PTPRK: variants seen among roughly 807,000 people sequenced by gnomAD.
The protein encoded by PTPRK is protein tyrosine phosphatase receptor type K, also known as receptor-type tyrosine-protein phosphatase kappa.
In PTPRK, 75 loss-of-function variants were observed where a neutral mutation model predicts 178.0. The ratio of observed to expected loss-of-function variants is 0.42; its 90% confidence interval spans 0.35 to 0.51. The LOEUF is 0.51. Ranked by LOEUF, PTPRK falls within the 20% of genes least tolerant of loss-of-function variation. The pLI, the probability that PTPRK is intolerant of heterozygous loss-of-function variation, is 0.02. For missense variants in PTPRK, 1,441 were observed against 1,797.8 expected (o/e 0.80, Z 3.59); for synonymous variants, 637 against 620.6 (o/e 1.03, Z -0.39).
chr6:128,207,399 T>A (rs983684712), intron 6 of PTPRK, among the ~76,000 whole-genome samples: 1 of 152,210 alleles, frequency 6.6e-6, no homozygotes, highest in Non-Finnish European at 1.5e-5. Context: ...TATCCATGAT[T>A]GCTGATGGTT....
intron 13 of PTPRK, among the ~76,000 whole-genome samples, chr6:128,064,416 T>C (rs911452718): frequency 6.6e-6 from 1 of 152,196 alleles, no homozygotes; most frequent in Admixed American, 6.5e-5. Flanking sequence ...TGGAAAGTAA[T>C]AGAGGTTTTT....
At chr6:127,971,099 T>C (rs1407419530) in intron 29 of PTPRK, among the ~76,000 whole-genome samples, 1 of 152,210 alleles carries the variant, frequency 6.6e-6, no homozygotes, top group Non-Finnish European at 1.5e-5. Context: ...AGCCTACTTA[T>C]ACCTGAAAAT....
In PTPRK at chr6:128,519,065, A is replaced by C. The variant is rs762291257; in HGVS notation, c.100+1194T>G. ...GGCTGTCGCTTTTCCCGTCTTCTCCATCACCCTCTGGCCACCACTGCGTCT... is the reference window on the plus strand; with the variant it reads ...GGCTGTCGCTTTTCCCGTCTTCTCCCTCACCCTCTGGCCACCACTGCGTCT... On this transcript the variant is annotated intron_variant, in intron 1 of 29. Coordinates refer to ENST00000368226, the MANE Select transcript of PTPRK (RefSeq NM_002844.4). This position sits in a 1 kb window ranked among gnomAD's most constrained non-coding sequence, Gnocchi z 4.3. 1.9e-6 allele frequency: 1 copy of C among 532,416 alleles called. No homozygotes were observed. The highest frequency in any genetic ancestry group is 3.9e-6 in the Non-Finnish European group (1 of 259,662). 33.0% of individuals were successfully genotyped at this position (532,416 alleles called of 1,614,324 possible).
At chr6:128,113,790 A>C (rs113495762) in intron 7 of PTPRK, among the ~76,000 whole-genome samples, 1,560 of 152,208 alleles carry the variant, frequency 0.01, 24 homozygotes, top group African/African-American at 0.035. Flanking sequence ...TACTTAAAAA[A>C]CACCTCACAA....
At chr6:128,325,637 T>C (rs1210317185) in intron 2 of PTPRK, among the ~76,000 whole-genome samples, 1 of 152,086 alleles carries the variant, frequency 6.6e-6, no homozygotes, top group Non-Finnish European at 1.5e-5. Context: ...CTCACGCCAG[T>C]TAGAATGGTG....
chr6:127,998,775 T>C lies in PTPRK; in HGVS notation c.2624A>G (p.Gln875Arg). 1.2e-6 allele frequency: 2 copies of C among 1,610,022 alleles called. No homozygotes were observed. Among genetic ancestry groups the C allele is most frequent in the South Asian group, 1.1e-5 (1 of 90,560 alleles). The part of the protein sequence containing the change: ...HPAIRVADLL[Q>R]HINLMKTSDS... ...TGATGTCTTCATGAGATTAATGTGC[T>C]GCAGTAAATCAGCTACCCTGATGGC... is the stretch of plus-strand genomic sequence containing the variant. Residue 875 changes from glutamine (Q) to arginine (R), a missense_variant, in exon 16 of 30, where the codon CAG becomes CGG. Physicochemically the swap from Gln to Arg is conservative, Grantham distance 43 (BLOSUM62 1). Coordinates refer to ENST00000368226, the MANE Select transcript of PTPRK (RefSeq NM_002844.4).
chr6:128,056,881 A>C lies in PTPRK; in HGVS notation c.2194+7877T>G, dbSNP rs181421658. ...TTGTTCAGCAAATAATTAATGAATC[A>C]AGGTATTATATAAGCTGGTATACAA... On this transcript the variant is annotated intron_variant, in intron 13 of 29. Transcript: ENST00000368226. Among the ~76,000 whole-genome samples the C allele has an allele frequency of 2.6e-5, 4 of 152,344 alleles. No individual in the cohort carries two copies. The East Asian group carries it at 7.7e-4, about 29-fold the overall frequency.
intron 3 of PTPRK, among the ~76,000 whole-genome samples, chr6:128,257,901 A>T (rs1300371057): frequency 6.6e-6 from 1 of 152,156 alleles, no homozygotes; most frequent in Non-Finnish European, 1.5e-5. Flanking sequence ...CCAACATGAT[A>T]TACTCAACTA....
At chr6:128,467,263 C>A (rs928923713) in intron 1 of PTPRK, among the ~76,000 whole-genome samples, 2 of 152,164 alleles carry the variant, frequency 1.3e-5, no homozygotes, top group Non-Finnish European at 2.9e-5. Flanking sequence ...AAATTATAAG[C>A]AGGAGCCATT....
intron 24 of PTPRK, among the ~76,000 whole-genome samples, chr6:127,981,786 A>T (rs1160742812): frequency 6.6e-6 from 1 of 152,142 alleles, no homozygotes; most frequent in East Asian, 1.9e-4. Flanking sequence ...ATTTAGGGCT[A>T]TTTTGAAATA....
chr6:128,423,985 C>T (rs1843790460), intron 1 of PTPRK, among the ~76,000 whole-genome samples: 1 of 150,050 alleles, frequency 6.7e-6, no homozygotes, highest in Admixed American at 6.7e-5. Context: ...CTTTGGGAGA[C>T]AAAGGCAGGA....
intron 2 of PTPRK, among the ~76,000 whole-genome samples, chr6:128,345,433 C>T (rs1018463035): frequency 3.3e-5 from 5 of 152,228 alleles, no homozygotes; most frequent in African/African-American, 4.8e-5. Flanking sequence ...AGTATGTTCA[C>T]GATCTCCTCA....
intron 7 of PTPRK, among the ~76,000 whole-genome samples, chr6:128,157,950 A>G (rs909529108): frequency 2.6e-5 from 4 of 151,866 alleles, no homozygotes; most frequent in African/African-American, 9.7e-5. Context: ...ATTAGATCCC[A>G]TTTGTCAATT....
At chr6:128,491,850 C>T (rs768607033) in intron 1 of PTPRK, 4 of 511,744 alleles carry the variant, frequency 7.8e-6, no homozygotes, top group Non-Finnish European at 1.6e-5. Flanking sequence ...AGCACAGACA[C>T]TGAAAACGAA....
chr6:128,297,604 A>G (rs1443415912), intron 3 of PTPRK, among the ~76,000 whole-genome samples: 1 of 152,262 alleles, frequency 6.6e-6, no homozygotes, highest in African/African-American at 2.4e-5. Flanking sequence ...TGGAAACTGA[A>G]CAACCTGCTC....
intron 12 of PTPRK, 48 bp from the exon 13 acceptor site, chr6:128,064,842 T>C (rs1301267312): frequency 6.6e-7 from 1 of 1,525,480 alleles, no homozygotes; most frequent in Non-Finnish European, 8.7e-7. Flanking sequence ...ACAGATAATG[T>C]TTCCTGTTTC....
chr6:128,402,614 A>AT (rs367983263), intron 1 of PTPRK, among the ~76,000 whole-genome samples: 152 of 152,012 alleles, frequency 1.0e-3, no homozygotes, highest in Middle Eastern at 3.4e-3. Flanking sequence ...TATGCGAATC[A>AT]TTTTTTTTCC....
intron 2 of PTPRK, among the ~76,000 whole-genome samples, chr6:128,329,345 TAGTC>T (rs1253242874): frequency 6.6e-6 from 1 of 150,794 alleles, no homozygotes; most frequent in Non-Finnish European, 1.5e-5. Context: ...AAGGATATAT[TAGTC>T]AGGATTCTCC....
rs574240937 is a variant in PTPRK at position 128,402,515 on chromosome 6, G to A, written c.101-4827C>T. On this transcript the variant is annotated intron_variant, in intron 1 of 29. Coordinates refer to ENST00000368226, the MANE Select transcript of PTPRK (RefSeq NM_002844.4). ...GATCCACCCGTCTTGGCCTCCCAGTGTGCTGGGATTACAGGCGTGAGCCAC... is the reference window on the plus strand; with the variant it reads ...GATCCACCCGTCTTGGCCTCCCAGTATGCTGGGATTACAGGCGTGAGCCAC... Among the ~76,000 whole-genome samples the A allele has an allele frequency of 3.9e-5, 6 of 152,266 alleles. No individual in the cohort carries two copies. In the East Asian group the frequency reaches 1.2e-3, roughly 29 times the overall value.
Sources: gnomAD v4.1 joint callset for allele counts (sites outside exome capture counted in the v4.1 genomes callset) on GRCh38, gnomAD v4.1.1 for gene constraint, Gnocchi (gnomAD v3.1) non-coding constraint, MANE v1.5 for transcripts, NCBI Gene and HGNC (gene_info 2026-07-23, HGNC 2026-07-21) for gene names.